The following CDH12 variants were observed in gnomAD, a reference collection of about 807,000 sequenced individuals.
CDH12 encodes the protein cadherin-12.
A neutral mutation model predicts 74.1 loss-of-function variants in CDH12; 41 were observed. That is an observed-to-expected ratio of 0.55 (90% CI 0.43 to 0.72). CDH12 has a LOEUF of 0.72. Among genes scored for constraint, CDH12 ranks in the 30% least tolerant of loss-of-function variants. The probability of loss-of-function intolerance (pLI) is 0.00; values close to 1 mark genes in which losing one functional copy is unlikely to be tolerated. For synonymous variants in CDH12, 399 were observed against 355.0 expected (o/e 1.12, Z -1.39); for missense variants, 945 against 977.2 (o/e 0.97, Z 0.44).
At chr5:22,573,564 T>C (rs952919174) in intron 1 of CDH12, among the ~76,000 whole-genome samples, 4 of 152,220 alleles carry the variant, frequency 2.6e-5, no homozygotes, top group African/African-American at 9.6e-5. Context: ...CTAATTGCCT[T>C]TCTAAAAGAA....
At chr5:22,747,550 G>A (rs923550899) in intron 1 of CDH12, among the ~76,000 whole-genome samples, 1 of 142,310 alleles carries the variant, frequency 7.0e-6, no homozygotes, top group Non-Finnish European at 1.5e-5. Flanking sequence ...AGGTTGCAGT[G>A]CAGTGAGCCT....
At chr5:22,362,199 T>C (rs1314851689) in intron 3 of CDH12, among the ~76,000 whole-genome samples, 1 of 151,872 alleles carries the variant, frequency 6.6e-6, no homozygotes, top group Non-Finnish European at 1.5e-5. Flanking sequence ...AGGGCTAATA[T>C]CCAGAATCTA....
intron 2 of CDH12, among the ~76,000 whole-genome samples, chr5:22,456,653 T>C (rs1745288874): frequency 6.6e-6 from 1 of 152,058 alleles, no homozygotes; most frequent in Non-Finnish European, 1.5e-5. Flanking sequence ...AAAAAATCTG[T>C]AGGCTTGGAA....
At chr5:22,118,843 C>T (rs1284132747) in intron 4 of CDH12, among the ~76,000 whole-genome samples, 1 of 151,962 alleles carries the variant, frequency 6.6e-6, no homozygotes, top group African/African-American at 2.4e-5. Context: ...TCTTATTACC[C>T]TAATTGCTTT....
intron 5 of CDH12, among the ~76,000 whole-genome samples, chr5:21,989,888 C>A (rs1757676270): frequency 6.6e-6 from 1 of 152,002 alleles, no homozygotes; most frequent in African/African-American, 2.4e-5. Flanking sequence ...TTTCTCTTAC[C>A]CTTAAATGGA....
intron 7 of CDH12, among the ~76,000 whole-genome samples, chr5:21,845,712 C>A (rs1750129969): frequency 6.6e-6 from 1 of 152,046 alleles, no homozygotes; most frequent in South Asian, 2.1e-4. Context: ...AGACAGAAAG[C>A]CACTTTAGGA....
chr5:22,421,969 G>A (rs142075365), intron 2 of CDH12, among the ~76,000 whole-genome samples: 6,157 of 152,188 alleles, frequency 0.04, 432 homozygotes, highest in African/African-American at 0.14. Flanking sequence ...TATGTTGGTT[G>A]GCTGCATAAA....
chr5:22,450,418 G>C (rs1282586777), intron 2 of CDH12, among the ~76,000 whole-genome samples: 2 of 151,742 alleles, frequency 1.3e-5, no homozygotes, highest in Non-Finnish European at 2.9e-5. Context: ...TCTTGAAAAA[G>C]GACCTCCCCC....
intron 2 of CDH12, among the ~76,000 whole-genome samples, chr5:22,406,176 G>A (rs1272713024): frequency 3.3e-5 from 5 of 152,036 alleles, no homozygotes; most frequent in Non-Finnish European, 5.9e-5. Flanking sequence ...AAACATACTC[G>A]CTTTTTAACT....
chr5:22,639,668 T>A (rs1401720068), intron 1 of CDH12, among the ~76,000 whole-genome samples: 1 of 152,164 alleles, frequency 6.6e-6, no homozygotes, highest in African/African-American at 2.4e-5. Context: ...TAAGTCCTTG[T>A]AAAGGAGCAA....
At chr5:22,424,363 A>G (rs568658023) in intron 2 of CDH12, among the ~76,000 whole-genome samples, 2 of 152,282 alleles carry the variant, frequency 1.3e-5, no homozygotes, top group East Asian at 3.9e-4. Flanking sequence ...TTTGTGAAAG[A>G]CAACATGTGA....
At chr5:22,394,869 T>C (rs1420996519) in intron 3 of CDH12, among the ~76,000 whole-genome samples, 1 of 152,092 alleles carries the variant, frequency 6.6e-6, no homozygotes, top group African/African-American at 2.4e-5. Flanking sequence ...TAATGATATA[T>C]AGAGGAGATT....
chr5:22,147,855 A>G (rs1367675058), intron 4 of CDH12, among the ~76,000 whole-genome samples: 1 of 152,174 alleles, frequency 6.6e-6, no homozygotes, highest in Non-Finnish European at 1.5e-5. Context: ...TATGGGAGCT[A>G]CAATTCGAGA....
chr5:22,806,640 C>T (rs1581019304), intron 1 of CDH12, among the ~76,000 whole-genome samples: 1 of 152,070 alleles, frequency 6.6e-6, no homozygotes, highest in East Asian at 1.9e-4. Flanking sequence ...AAGCATGAGC[C>T]ACCGCGCCCG....
At chr5:21,920,943 G>T (rs1432479362) in intron 6 of CDH12, among the ~76,000 whole-genome samples, 1 of 152,104 alleles carries the variant, frequency 6.6e-6, no homozygotes. Flanking sequence ...TTCAGTAAAA[G>T]AAAACCTCCT....
chr5:22,207,008 T>C (rs1751259029), intron 4 of CDH12, among the ~76,000 whole-genome samples: 1 of 150,330 alleles, frequency 6.7e-6, no homozygotes, highest in Admixed American at 6.6e-5. Context: ...GGTCAGGAGA[T>C]CCAGACCATC....
intron 1 of CDH12, among the ~76,000 whole-genome samples, chr5:22,787,770 C>T (rs575970373): frequency 7.2e-5 from 11 of 152,216 alleles, no homozygotes; most frequent in Admixed American, 4.6e-4. Context: ...CATGCACATA[C>T]GGCTGTTAGC....
At chr5:22,085,517 G>C (rs1743006783) in intron 4 of CDH12, among the ~76,000 whole-genome samples, 1 of 151,938 alleles carries the variant, frequency 6.6e-6, no homozygotes, top group Admixed American at 6.6e-5. Context: ...TATGCTTGTG[G>C]TCTATTTTAA....
intron 12 of CDH12, among the ~76,000 whole-genome samples, chr5:21,761,721 GTAGA>G (rs1744727832): frequency 6.9e-6 from 1 of 145,866 alleles, no homozygotes. Context: ...ATGTAGGTAG[GTAGA>G]TGGATGGATG....
Sources: allele counts gnomAD v4.1 joint callset (sites outside exome capture counted in the v4.1 genomes callset), GRCh38; gene constraint gnomAD v4.1.1; transcripts MANE v1.5; gene names NCBI Gene and HGNC (gene_info 2026-07-23, HGNC 2026-07-21).